Variants in CATSPERD observed in about 807,000 individuals in gnomAD.
CATSPERD encodes catsper channel auxiliary subunit delta, also known as cation channel sperm-associated auxiliary subunit delta.
Under a neutral mutation model 98.1 loss-of-function variants are expected in CATSPERD, and 86 were observed. The ratio of observed to expected loss-of-function variants is 0.88; its 90% CI spans 0.74 to 1.05. CATSPERD has a LOEUF of 1.05. Ranked by LOEUF, CATSPERD falls within the 50% of genes least tolerant of loss-of-function variation. The pLI, the probability that CATSPERD is intolerant of heterozygous loss-of-function variation, is 0.00. For synonymous variants in CATSPERD, 394 were observed against 390.2 expected (o/e 1.01, Z -0.12); for missense variants, 995 against 1,005.7 (o/e 0.99, Z 0.14).
rs970646969 is a variant in CATSPERD, at chr19:5,724,693, C to T, written c.72-115C>T. On this transcript the variant is annotated intron_variant, in intron 1 of 21. Transcript: ENST00000381624. ...CAGCCTGGGCGACAGAGTGAGACTC[C>T]GTCCCCCCCAAAAAAGAACAGATAC... 27 of 1,044,134 alleles carry T rather than the reference C, an allele frequency of 2.6e-5. No homozygotes were observed. The East Asian group carries it at 3.7e-4, about 14-fold the overall frequency. The allele number at this position is 1,044,134 out of a possible 1,614,324, so 64.7% of individuals were successfully genotyped here.
chr19:5,720,891 C>T (rs1233922099), intron 1 of CATSPERD, 83 bp downstream of exon 1: 2 of 1,119,138 alleles, frequency 1.8e-6, no homozygotes, highest in African/African-American at 3.1e-5. Flanking sequence ...AGGCCTGCTC[C>T]CCAACCTCAC....
intron 5 of CATSPERD, among the ~76,000 whole-genome samples, chr19:5,735,307 TTTTG>T (rs1311264475): frequency 2.6e-5 from 4 of 151,516 alleles, no homozygotes; most frequent in Non-Finnish European, 5.9e-5. Flanking sequence ...CTGGCTAATT[TTTTG>T]TTTGTTAGTT....
In CATSPERD at chr19:5,767,369, G is replaced by C. The variant is rs2056560175; in HGVS notation, c.1560-799G>C. ...GCTACACCTCTAACGGCAAAGTGCA[G>C]AGCCATTTCCTGCCATGCCCCTCCC... On this transcript the variant is annotated intron_variant, in intron 17 of 21. Transcript: ENST00000381624. Among the ~76,000 whole-genome samples the C allele has an allele frequency of 2.7e-5, 4 of 146,884 alleles. No individual in the cohort carries two copies. The Admixed American group carries it at 2.7e-4, about 10-fold the overall frequency.
intron 7 of CATSPERD, among the ~76,000 whole-genome samples, chr19:5,741,028 T>A (rs2055952353): frequency 7.3e-6 from 1 of 137,752 alleles, no homozygotes. Flanking sequence ...GAGGTTGCAG[T>A]GAGCTGAGAC....
At chr19:5,741,656 G>A (rs1360621501) in intron 7 of CATSPERD, among the ~76,000 whole-genome samples, 2 of 151,692 alleles carry the variant, frequency 1.3e-5, no homozygotes, top group African/African-American at 2.4e-5. Context: ...TTGGAAGTAG[G>A]GCCTTTGCAG....
rs2056003334 is a variant in CATSPERD, at chr19:5,742,317, GGTGTGC to G, written c.574-2103_574-2098del. Among the ~76,000 whole-genome samples the G allele has an allele frequency of 2.2e-5, 3 of 136,210 alleles. No individual in the cohort carries two copies. The South Asian group carries it at 7.1e-4, about 32-fold the overall frequency. The allele number at this position is 136,210 out of a possible 152,430, so 89.4% of individuals were successfully genotyped here. A position where few individuals can be genotyped will look rare whatever the true frequency, so the allele number is the denominator to read the frequency against. On this transcript the variant is annotated intron_variant, in intron 7 of 21. Coordinates refer to ENST00000381624, the MANE Select transcript of CATSPERD (RefSeq NM_152784.4). Reference sequence around the variant, plus strand: ...GTGTACGTATGTGAATGTGTGTGTGGGTGTGCGTGTGCATGTGTGTACATGTGTGTG... The same window carrying G: ...GTGTACGTATGTGAATGTGTGTGTGGGTGTGCATGTGTGTACATGTGTGTG...
chr19:5,762,048 ATATATATATATTT>A (rs1427459344), intron 15 of CATSPERD, among the ~76,000 whole-genome samples: 163 of 20,516 alleles, frequency 7.9e-3, no homozygotes, highest in African/African-American at 0.022. Context: ...TGCCATATAT[ATATATATATATTT>A]TTTTTTTTTT....
chr19:5,748,197 C>G lies in CATSPERD; in HGVS notation c.846C>G (p.Asp282Glu), dbSNP rs201831364. 6.2e-7 allele frequency: 1 copy of G among 1,613,948 alleles called. No individual in the cohort carries two copies. The highest frequency in any genetic ancestry group is 8.5e-7 in the Non-Finnish European group (1 of 1,179,962). ...ACACCGTCCGGGTGAAAAAAGGAGA[C>G]CAGACCTTGTTTTCTTCCATTTTTG... ...LVDTVRVKKG[D>E]QTLFSSIFEA... Residue 282 changes from aspartate to glutamate, a missense_variant, in exon 10 of 22, where the codon GAC becomes GAG. Physicochemically the swap from Asp to Glu is conservative, Grantham distance 45. Transcript: ENST00000381624.
chr19:5,742,696 G>A (rs2056012538), intron 7 of CATSPERD, among the ~76,000 whole-genome samples: 1 of 152,138 alleles, frequency 6.6e-6, no homozygotes, highest in African/African-American at 2.4e-5. Flanking sequence ...TCAGGGGGCT[G>A]GAGGATTGCT....
intron 18 of CATSPERD, among the ~76,000 whole-genome samples, chr19:5,770,024 G>A (rs1036742973): frequency 6.6e-6 from 1 of 151,478 alleles, no homozygotes; most frequent in African/African-American, 2.4e-5. Flanking sequence ...GGGAGGCGGA[G>A]GTTGCAGTGA....
intron 20 of CATSPERD, chr19:5,775,375 C>A (rs552462056): frequency 6.8e-6 from 3 of 442,976 alleles, no homozygotes; most frequent in South Asian, 1.7e-5. Context: ...GAGGTGGCCA[C>A]GCCTGTAATC....
At chr19:5,734,412 G>A (rs1176575403) in intron 5 of CATSPERD, among the ~76,000 whole-genome samples, 2 of 152,162 alleles carry the variant, frequency 1.3e-5, no homozygotes, top group African/African-American at 4.8e-5. Context: ...ACTGAGGCGG[G>A]CGGATCATCT....
chr19:5,765,078 G>A (rs1218242748), intron 16 of CATSPERD, among the ~76,000 whole-genome samples: 2 of 151,980 alleles, frequency 1.3e-5, no homozygotes, highest in African/African-American at 4.8e-5. Flanking sequence ...ACCTGGCTAA[G>A]TTTTATTTTT....
chr19:5,772,214 A>ATT (rs35847357), intron 19 of CATSPERD: 9,545 of 154,116 alleles, frequency 0.062, 1,538 homozygotes, highest in Non-Finnish European at 0.077. Context: ...TGCCCGGTTA[A>ATT]TTTTTTTTTT....
At chr19:5,774,845 C>T (rs1024226157) in intron 20 of CATSPERD, among the ~76,000 whole-genome samples, 3 of 152,058 alleles carry the variant, frequency 2.0e-5, no homozygotes, top group Non-Finnish European at 4.4e-5. Flanking sequence ...GGTGAAACCC[C>T]GTCTCTACTA....
chr19:5,752,981 C>T (rs1019869226), intron 12 of CATSPERD, among the ~76,000 whole-genome samples: 2 of 148,552 alleles, frequency 1.3e-5, no homozygotes, highest in African/African-American at 2.5e-5. Context: ...TGAGCCGAAA[C>T]CAAGCCACTG....
intron 6 of CATSPERD, among the ~76,000 whole-genome samples, chr19:5,737,652 C>T (rs1421608319): frequency 6.6e-6 from 1 of 151,416 alleles, no homozygotes; most frequent in Non-Finnish European, 1.5e-5. Flanking sequence ...AGCTCGAGAC[C>T]AGCCTGGCCA....
At chr19:5,728,097 C>A (rs1485993041) in intron 3 of CATSPERD, among the ~76,000 whole-genome samples, 1 of 150,968 alleles carries the variant, frequency 6.6e-6, no homozygotes, top group African/African-American at 2.4e-5. Flanking sequence ...CAGTGGCTAA[C>A]CTCTGTAATC....
intron 11 of CATSPERD, among the ~76,000 whole-genome samples, chr19:5,750,766 A>G (rs1256615174): frequency 6.6e-6 from 1 of 151,904 alleles, no homozygotes; most frequent in African/African-American, 2.4e-5. Context: ...TTACCAAAGG[A>G]TGAATGAAGC....
Sources: gnomAD v4.1 joint callset for allele counts (sites outside exome capture counted in the v4.1 genomes callset) on GRCh38, gnomAD v4.1.1 for gene constraint, MANE v1.5 for transcripts, NCBI Gene and HGNC (gene_info 2026-07-23, HGNC 2026-07-21) for gene names.